The following BTBD10 variants were observed in gnomAD, a reference collection of about 807,000 sequenced individuals.
BTBD10 encodes the protein BTB/POZ domain-containing protein 10.
Under a neutral mutation model 53.2 loss-of-function variants are expected in BTBD10, and 21 were observed. That is an observed-to-expected ratio of 0.39 (90% CI 0.28 to 0.57). BTBD10 has a LOEUF of 0.57. BTBD10 is among the 20% of genes least tolerant of loss of function. The pLI is 0.53. For synonymous variants in BTBD10, 149 were observed against 192.7 expected (o/e 0.77, Z 1.88); for missense variants, 360 against 594.7 (o/e 0.61, Z 4.10).
At chr11:13,459,973 C>T (rs1319979687) in intron 1 of BTBD10, among the ~76,000 whole-genome samples, 3 of 152,212 alleles carry the variant, frequency 2.0e-5, no homozygotes, top group Non-Finnish European at 4.4e-5. Context: ...CCCCCTTCAA[C>T]AAGCACAATC....
intron 1 of BTBD10, among the ~76,000 whole-genome samples, chr11:13,462,130 T>C (rs1951115084): frequency 6.6e-6 from 1 of 152,130 alleles, no homozygotes; most frequent in Non-Finnish European, 1.5e-5. Context: ...CTTATTCCGA[T>C]TTCCACAGTC....
chr11:13,416,813 T>C (rs1271805128), intron 5 of BTBD10, among the ~76,000 whole-genome samples: 1 of 151,802 alleles, frequency 6.6e-6, no homozygotes, highest in African/African-American at 2.4e-5. Context: ...CTCGTCTCTA[T>C]AAAAAATGAA....
chr11:13,409,676 C>T (rs1317678148), intron 6 of BTBD10, among the ~76,000 whole-genome samples: 1 of 152,122 alleles, frequency 6.6e-6, no homozygotes, highest in Admixed American at 6.6e-5. Context: ...CTTCAGGTCT[C>T]GGCTTTAACG....
intron 6 of BTBD10, among the ~76,000 whole-genome samples, chr11:13,412,111 G>T (rs944679335): frequency 2.0e-5 from 3 of 152,046 alleles, no homozygotes; most frequent in Admixed American, 1.3e-4. Flanking sequence ...GATTACAGGT[G>T]TGAGCCACTG....
Position 13,419,608 on chromosome 11 carries a change from CT to C in BTBD10, c.435del (p.Ala146LeufsTer18). On this transcript the variant is annotated frameshift_variant, in exon 4 of 9. Transcript: ENST00000278174. LOFTEE classifies it high-confidence loss of function. ...SQSSSDGSCK[T>X]AGEMVFVYEN... ...TCATATACAAACACCATCTCCCCAG[CT>C]GTCTTACAGCTACCATCTGAACTTG... is the stretch of plus-strand genomic sequence containing the variant. 6.2e-7 allele frequency: 1 copy of C among 1,614,124 alleles called. No individual in the cohort carries two copies. The highest frequency in any genetic ancestry group is 8.5e-7 in the Non-Finnish European group (1 of 1,179,990).
Position 13,421,751 on chromosome 11 carries a change from A to G in BTBD10, c.189T>C (p.Asp63=). 6.2e-7 allele frequency: 1 copy of G among 1,614,052 alleles called. No homozygotes were observed. The highest frequency in any genetic ancestry group is 8.5e-7 in the Non-Finnish European group (1 of 1,179,968). ...GTGATCTGTCACTTGACCTTCGTCT[A>G]TCTCTTGATCTCTCATGTCCCCCAC... ...GASGGHERSR[D]RRRSSDRSRD... is the part of the protein sequence containing the mutation. The change falls in exon 3 of 9, where the codon GAT becomes GAC. Residue 63 remains aspartate, a synonymous_variant. Transcript: ENST00000278174.
At chr11:13,398,055 G>T (rs560652742) in intron 8 of BTBD10, among the ~76,000 whole-genome samples, 1 of 152,150 alleles carries the variant, frequency 6.6e-6, no homozygotes, top group Non-Finnish European at 1.5e-5. Context: ...ATGTCTATTA[G>T]GTCTGCTTGG....
chr11:13,415,512 C>T (rs1006021815), intron 5 of BTBD10, among the ~76,000 whole-genome samples: 2 of 152,050 alleles, frequency 1.3e-5, no homozygotes, highest in Non-Finnish European at 2.9e-5. Flanking sequence ...TCCTTCTCCC[C>T]AGTAAATACA....
chr11:13,433,687 T>A (rs1382960694), intron 2 of BTBD10, among the ~76,000 whole-genome samples: 1 of 152,184 alleles, frequency 6.6e-6, no homozygotes, highest in Non-Finnish European at 1.5e-5. Context: ...TGTCTATTCA[T>A]GATTACTGTT....
intron 1 of BTBD10, among the ~76,000 whole-genome samples, chr11:13,453,698 G>A (rs970400672): frequency 6.6e-6 from 1 of 152,166 alleles, no homozygotes; most frequent in East Asian, 1.9e-4. Flanking sequence ...GTATGATTCA[G>A]GTTTGTGTCC....
chr11:13,403,281 A>G lies in BTBD10; in HGVS notation c.1007-3T>C. The G allele has an allele frequency of 3.1e-6, 4 of 1,299,766 alleles. No individual in the cohort carries two copies. The highest frequency in any genetic ancestry group is 4.2e-6 in the Non-Finnish European group (4 of 943,916). The allele number at this position is 1,299,766 out of a possible 1,614,324, so 80.5% of individuals were successfully genotyped here. On this transcript the variant is annotated splice_polypyrimidine_tract_variant and splice_region_variant and intron_variant, in intron 7 of 8. Coordinates refer to ENST00000278174, the MANE Select transcript of BTBD10 (RefSeq NM_032320.7). ...ATATAATTTTGTGCTATAAATAACT[A>G]GAAACAAAAAGAAAAATATTATTGT...
Position 13,388,722 on chromosome 11 carries a change from A to AT in BTBD10, c.*108dup, listed in dbSNP as rs1949321969. The AT allele has an allele frequency of 8.0e-7, 1 of 1,242,410 alleles. No homozygotes were observed. Among genetic ancestry groups the AT allele is most frequent in the South Asian group, 1.4e-5 (1 of 69,784 alleles). The allele number at this position is 1,242,410 out of a possible 1,614,324, so 77.0% of individuals were successfully genotyped here. On this transcript the variant is annotated 3_prime_UTR_variant, in exon 9 of 9. Coordinates refer to ENST00000278174, the MANE Select transcript of BTBD10 (RefSeq NM_032320.7). The stretch of plus-strand genomic sequence containing the variant: ...AAGCCTACACTGCAATATCCTAAAC[A>AT]TTGTTATGTGCATCTCACAATGAAG...
At chr11:13,456,616 G>C (rs3101174) in intron 1 of BTBD10, among the ~76,000 whole-genome samples, 33,603 of 152,028 alleles carry the variant, frequency 0.22, 4,530 homozygotes, top group East Asian at 0.52. Flanking sequence ...TTTTAAAAGG[G>C]CTAATTTCAT....
chr11:13,421,704 G>A lies in BTBD10; in HGVS notation c.236C>T (p.Thr79Met), dbSNP rs767277984. 43 of 1,613,918 alleles carry A rather than the reference G, an allele frequency of 2.7e-5. No homozygotes were observed. In the African/African-American group the frequency reaches 4.4e-4, roughly 17 times the overall value. Residue 79 changes from threonine (T) to methionine (M), a missense_variant, in exon 3 of 9, where the codon ACG (threonine) becomes ATG (methionine). Thr to Met is a moderately conservative substitution (Grantham distance 81). Coordinates refer to ENST00000278174, the MANE Select transcript of BTBD10 (RefSeq NM_032320.7). The stretch of plus-strand genomic sequence containing the variant: ...AATACAAGGAGTGAGCTGAGACTCC[G>A]TTCTTTCATGAGATGAATCTCGTGA... The part of the protein sequence containing the change: ...DRSRDSSHER[T>M]ESQLTPCIRN...
intron 7 of BTBD10, chr11:13,405,296 A>AT (rs563534698): frequency 9.7e-4 from 156 of 161,464 alleles, no homozygotes; most frequent in African/African-American, 3.5e-3. Context: ...TAAACAAGCT[A>AT]TTTTCATAAA....
At chr11:13,436,381 C>T (rs146617676) in intron 2 of BTBD10, among the ~76,000 whole-genome samples, 1,791 of 152,298 alleles carry the variant, frequency 0.012, 18 homozygotes, top group Non-Finnish European at 0.019. Flanking sequence ...CTCCAGCTCC[C>T]CAACCAAAAT....
chr11:13,451,265 T>C (rs1950853626), intron 1 of BTBD10, among the ~76,000 whole-genome samples: 1 of 152,192 alleles, frequency 6.6e-6, no homozygotes, highest in Non-Finnish European at 1.5e-5. Flanking sequence ...AGACATGATT[T>C]TGATGCTTTC....
intron 2 of BTBD10, among the ~76,000 whole-genome samples, chr11:13,441,616 A>C (rs1487445891): frequency 6.6e-6 from 1 of 152,156 alleles, no homozygotes; most frequent in Non-Finnish European, 1.5e-5. Context: ...TTATAAATCA[A>C]ATAATTTATT....
intron 8 of BTBD10, among the ~76,000 whole-genome samples, chr11:13,398,582 A>G (rs1474912467): frequency 1.3e-5 from 2 of 152,170 alleles, no homozygotes; most frequent in East Asian, 1.9e-4. Context: ...TGATCCTGTC[A>G]TTATGATGTT....
Sources: allele counts gnomAD v4.1 joint callset (sites outside exome capture counted in the v4.1 genomes callset), GRCh38; gene constraint gnomAD v4.1.1; transcripts MANE v1.5; gene names NCBI Gene and HGNC (gene_info 2026-07-23, HGNC 2026-07-21).